Variants in AADAT observed in about 807,000 individuals in gnomAD.
The protein encoded by AADAT is aminoadipate aminotransferase.
In AADAT, 25 loss-of-function variants were observed where a neutral mutation model predicts 56.2. The observed-to-expected ratio is 0.44, with a 90% CI of 0.32 to 0.62. AADAT has a LOEUF of 0.62. Ranked by LOEUF, AADAT falls within the 20% of genes least tolerant of loss-of-function variation. AADAT has a pLI of 0.04. For missense variants in AADAT, 387 were observed against 510.5 expected (o/e 0.76, Z 2.33); for synonymous variants, 173 against 164.7 (o/e 1.05, Z -0.39).
chr4:170,087,749 T>C (rs1227921226), intron 2 of AADAT, among the ~76,000 whole-genome samples: 1 of 152,082 alleles, frequency 6.6e-6, no homozygotes, highest in Non-Finnish European at 1.5e-5. Context: ...AAGTATAATT[T>C]ATAGATTCTC....
intron 11 of AADAT, among the ~76,000 whole-genome samples, chr4:170,062,580 C>T (rs150798279): frequency 1.6e-4 from 24 of 152,266 alleles, no homozygotes; most frequent in Non-Finnish European, 2.6e-4. Context: ...ATGGGGTGGT[C>T]GGAACAGCTG....
intron 4 of AADAT, among the ~76,000 whole-genome samples, chr4:170,073,885 G>T (rs1336785439): frequency 6.6e-6 from 1 of 152,178 alleles, no homozygotes; most frequent in African/African-American, 2.4e-5. Flanking sequence ...CGTCAGGTAT[G>T]GCCATGTGTC....
At chr4:170,079,813 C>T (rs957301209) in intron 3 of AADAT, among the ~76,000 whole-genome samples, 10 of 151,990 alleles carry the variant, frequency 6.6e-5, no homozygotes, top group Non-Finnish European at 1.2e-4. Context: ...TTTGAAACAC[C>T]CTGTGATGAT....
At chr4:170,077,286 T>C (rs138200586) in intron 4 of AADAT, among the ~76,000 whole-genome samples, 1 of 152,358 alleles carries the variant, frequency 6.6e-6, no homozygotes, top group African/African-American at 2.4e-5. Flanking sequence ...TAGGGTAGTA[T>C]TAATATCTTA....
At position 170,068,486 on chromosome 4, in the gene AADAT, T is replaced by C. The variant is rs1406254406; in HGVS notation, c.900+105A>G. On this transcript the variant is annotated intron_variant, in intron 8 of 12. Coordinates refer to ENST00000337664, the MANE Select transcript of AADAT (RefSeq NM_016228.4). ...GCATGTCTGCAAAGAAGGCAAACTA[T>C]GAGTCACTAAACAGGTTTGGAGTTC... 4 of 756,162 alleles carry C rather than the reference T, an allele frequency of 5.3e-6. No homozygotes were observed. In the African/African-American group the frequency reaches 7.5e-5, roughly 14 times the overall value. The allele number at this position is 756,162 out of a possible 1,614,324, so 46.8% of individuals were successfully genotyped here. A position where few individuals can be genotyped will look rare whatever the true frequency, so the allele number is the denominator to read the frequency against.
chr4:170,083,050 G>C (rs1404269987), intron 3 of AADAT, among the ~76,000 whole-genome samples: 1 of 143,680 alleles, frequency 7.0e-6, no homozygotes, highest in African/African-American at 2.6e-5. Context: ...AGACCTAGTA[G>C]ACAGTTACAA....
chr4:170,087,837 T>A lies in AADAT; in HGVS notation c.236+559A>T, dbSNP rs1323881270. ...ATGTTTCAGCTTGCCTTTAAGAAAT[T>A]AAAGACATTTGAACCTATGAGGGCA... is the stretch of plus-strand genomic sequence containing the variant. On this transcript the variant is annotated intron_variant, in intron 2 of 12. Coordinates refer to ENST00000337664, the MANE Select transcript of AADAT (RefSeq NM_016228.4). 2.0e-5 allele frequency among the ~76,000 whole-genome samples: 3 copies of A among 151,798 alleles called. No individual in the cohort carries two copies. In the East Asian group the frequency reaches 5.9e-4, roughly 30 times the overall value.
chr4:170,069,377 G>T, intron 6 of AADAT, 147 bp from the exon 7 acceptor site: 1 of 596,836 alleles, frequency 1.7e-6, no homozygotes, highest in African/African-American at 1.9e-5. Context: ...CTTTAACATG[G>T]AATAACAAAC....
At chr4:170,084,738 G>A (rs1416858746) in intron 3 of AADAT, among the ~76,000 whole-genome samples, 1 of 152,080 alleles carries the variant, frequency 6.6e-6, no homozygotes, top group East Asian at 1.9e-4. Context: ...TTCCTTATGA[G>A]CTTTTGGCAT....
intron 11 of AADAT, 44 bp downstream of exon 11, chr4:170,064,675 T>A: frequency 6.9e-7 from 1 of 1,447,090 alleles, no homozygotes; most frequent in South Asian, 1.3e-5. Flanking sequence ...AGAAAAAGTA[T>A]AACTTTTCCT....
rs1023801600 is a variant in AADAT at position 170,088,256 on chromosome 4, T to C, written c.236+140A>G. The stretch of plus-strand genomic sequence containing the variant: ...ATTCAATGACTGAGTATTTGGTCAT[T>C]GAATGACCAAATGGGTCAATGGCTT... On this transcript the variant is annotated intron_variant, in intron 2 of 12. Transcript: ENST00000337664. 1.4e-5 allele frequency: 12 copies of C among 856,806 alleles called. No individual in the cohort carries two copies. The Admixed American group carries it at 1.8e-4, about 13-fold the overall frequency. The allele number at this position is 856,806 out of a possible 1,614,324, so 53.1% of individuals were successfully genotyped here.
At chr4:170,090,843 AAATG>A (rs756694289), upstream of AADAT, among the ~76,000 whole-genome samples, 16 of 152,310 alleles carry the variant, frequency 1.1e-4, no homozygotes, top group Non-Finnish European at 2.1e-4. Flanking sequence ...ATGGTTATTA[AAATG>A]AATGAACAGA....
chr4:170,069,342 A>C, intron 6 of AADAT, 112 bp from the exon 7 acceptor site: 2 of 742,054 alleles, frequency 2.7e-6, no homozygotes, highest in Non-Finnish European at 4.4e-6. Flanking sequence ...AACAGTACAA[A>C]TATTCTCTTA....
chr4:170,087,571 C>G (rs1452903822), intron 2 of AADAT, among the ~76,000 whole-genome samples: 1 of 152,090 alleles, frequency 6.6e-6, no homozygotes, highest in Non-Finnish European at 1.5e-5. Context: ...TTTGTTCTCT[C>G]TAGGAAGAGT....
chr4:170,093,788 G>C (rs1732935915), upstream of AADAT, among the ~76,000 whole-genome samples: 1 of 152,178 alleles, frequency 6.6e-6, no homozygotes, highest in South Asian at 2.1e-4. Context: ...TGTAGAGACA[G>C]GGTCTCCCTA....
rs1348684625 is a variant in AADAT at position 170,062,767 on chromosome 4, C to T, written c.1135-774G>A. 3.9e-5 allele frequency among the ~76,000 whole-genome samples: 6 copies of T among 152,108 alleles called. 1 individual carries two copies. The highest frequency in any genetic ancestry group is 7.4e-5 in the Non-Finnish European group (5 of 68,026). ...CCAGGTAAGAGATGTCTAAGGTTGGCCCATACAAATCATCCCATGTGTGAT... is the reference window on the plus strand; with the variant it reads ...CCAGGTAAGAGATGTCTAAGGTTGGTCCATACAAATCATCCCATGTGTGAT... On this transcript the variant is annotated intron_variant, in intron 11 of 12. Coordinates refer to ENST00000337664, the MANE Select transcript of AADAT (RefSeq NM_016228.4).
rs932415034 is a variant in AADAT at position 170,089,909 on chromosome 4, C to A, written c.-219G>T. 29 of 516,766 alleles carry A rather than the reference C, an allele frequency of 5.6e-5. No homozygotes were observed. The highest frequency in any genetic ancestry group is 5.5e-4 in the African/African-American group (28 of 50,730). 32.0% of individuals were successfully genotyped at this position (516,766 alleles called of 1,614,324 possible). A position where few individuals can be genotyped will look rare whatever the true frequency, so the allele number is the denominator to read the frequency against. The stretch of plus-strand genomic sequence containing the variant: ...TTCGGTCTCCCGGTCCTAAACGGGT[C>A]TGGGGCTGTGTGGCGAGCCCGGCAA... On this transcript the variant is annotated 5_prime_UTR_variant, in exon 1 of 13. Transcript: ENST00000337664.
chr4:170,073,200 A>G lies in AADAT; in HGVS notation c.590T>C (p.Val197Ala). ...TCCAGTAGGGTTGTTGCCATTTGGA[A>G]CAGTATAAAGAAATTTGGGGGTGTT... ...QKNTPKFLYT[V>A]PNGNNPTGNS... Residue 197 changes from valine to alanine, a missense_variant, in exon 5 of 13, where the codon GTT becomes GCT. Val to Ala is a moderately conservative substitution (Grantham distance 64). Transcript: ENST00000337664. 6.2e-7 allele frequency: 1 copy of G among 1,614,152 alleles called. No homozygotes were observed. The highest frequency in any genetic ancestry group is 8.5e-7 in the Non-Finnish European group (1 of 1,180,018).
At chr4:170,074,679 G>T (rs1359552671) in intron 4 of AADAT, among the ~76,000 whole-genome samples, 1 of 152,094 alleles carries the variant, frequency 6.6e-6, no homozygotes, top group Non-Finnish European at 1.5e-5. Flanking sequence ...GAGGTTCAGG[G>T]TGGTCCTAGG....
Sources: allele counts gnomAD v4.1 joint callset (sites outside exome capture counted in the v4.1 genomes callset), GRCh38; gene constraint gnomAD v4.1.1; transcripts MANE v1.5; gene names NCBI Gene and HGNC (gene_info 2026-07-23, HGNC 2026-07-21).